The following SH3KBP1 variants were observed in gnomAD, a reference collection of about 807,000 sequenced individuals.
The protein encoded by SH3KBP1 is SH3 domain containing kinase binding protein 1, also known as SH3 domain-containing kinase-binding protein 1.
In SH3KBP1, 8 loss-of-function variants were observed where a neutral mutation model predicts 50.1. The observed-to-expected ratio is 0.16, with a 90% CI of 0.09 to 0.29. The LOEUF (loss-of-function observed/expected upper bound fraction) is 0.29, where lower values mean the gene tolerates loss of function less well. SH3KBP1 is among the 10% of genes least tolerant of loss of function. The pLI, the probability that SH3KBP1 is intolerant of heterozygous loss-of-function variation, is 1.00. For synonymous variants in SH3KBP1, 227 were observed against 218.6 expected, an observed-to-expected ratio of 1.04 and a Z score of -0.34; for missense variants, 377 against 535.2, an observed-to-expected ratio of 0.70 and a Z score of 2.92.
At chrX:19,792,568 G>A (rs897746157) in intron 2 of SH3KBP1, among the ~76,000 whole-genome samples, 1 of 110,938 alleles carries the variant, frequency 9.0e-6, no homozygotes, top group Non-Finnish European at 1.9e-5. Context: ...CCCCTTTGCA[G>A]GTCTTTCAAC....
chrX:19,866,858 G>A (rs1485273477), intron 1 of SH3KBP1, among the ~76,000 whole-genome samples: 1 of 109,931 alleles, frequency 9.1e-6, no homozygotes, highest in Non-Finnish European at 1.9e-5. Context: ...TATATTTTAG[G>A]CCTCTTGAGA....
intron 6 of SH3KBP1, among the ~76,000 whole-genome samples, chrX:19,645,728 T>C (rs1382317240): frequency 8.9e-6 from 1 of 111,952 alleles, no homozygotes; most frequent in East Asian, 2.8e-4. Flanking sequence ...CTTTCTTCCT[T>C]TATACTCTTA....
At chrX:19,856,693 C>T (rs925071454) in intron 1 of SH3KBP1, among the ~76,000 whole-genome samples, 9 of 110,934 alleles carry the variant, frequency 8.1e-5, no homozygotes. Flanking sequence ...TCGAAAGGAA[C>T]CTCATGGCCC....
intron 2 of SH3KBP1, among the ~76,000 whole-genome samples, chrX:19,802,651 T>C (rs111663953): frequency 0.14 from 15,386 of 110,698 alleles, 898 homozygotes; most frequent in African/African-American, 0.19. Context: ...ACTCACACTA[T>C]ACCCTCATTC....
intron 6 of SH3KBP1, among the ~76,000 whole-genome samples, chrX:19,665,031 G>A (rs1368365215): frequency 9.0e-6 from 1 of 111,636 alleles, no homozygotes. Flanking sequence ...TCTTGTTATC[G>A]ACTTTGTGAA....
At chrX:19,865,362 C>T (rs1190517638) in intron 1 of SH3KBP1, among the ~76,000 whole-genome samples, 3 of 111,801 alleles carry the variant, frequency 2.7e-5, no homozygotes, top group Non-Finnish European at 5.6e-5. Flanking sequence ...TTCTTTGCAA[C>T]GTATTTTTCT....
intron 6 of SH3KBP1, among the ~76,000 whole-genome samples, chrX:19,660,949 A>C (rs1189070990): frequency 8.9e-6 from 1 of 112,661 alleles, no homozygotes; most frequent in Non-Finnish European, 1.9e-5. Context: ...TTCTAAAGCC[A>C]CTAGTGGAAA....
chrX:19,787,804 A>G (rs1326571929), intron 2 of SH3KBP1, among the ~76,000 whole-genome samples: 91 of 111,738 alleles, frequency 8.1e-4, no homozygotes, highest in Non-Finnish European at 1.1e-4. Flanking sequence ...GAGGGTGGCC[A>G]GGGAAGGCCT....
At chrX:19,716,753 C>A (rs1366807676) in intron 3 of SH3KBP1, among the ~76,000 whole-genome samples, 7 of 111,391 alleles carry the variant, frequency 6.3e-5, no homozygotes, top group Non-Finnish European at 1.1e-4. Flanking sequence ...GGAGGTTCAG[C>A]ATGCTGGCCC....
In SH3KBP1 at chrX:19,746,306, C is replaced by T. The variant is rs201610227; in HGVS notation, c.286+12G>A. Reference sequence around the variant, plus strand: ...GTGTGCAGGGAGGGAACCTCTTTTTCCTTTTCCATACCTCTCTTATTGGTT... The same window carrying T: ...GTGTGCAGGGAGGGAACCTCTTTTTTCTTTTCCATACCTCTCTTATTGGTT... On this transcript the variant is annotated intron_variant, in intron 3 of 17. Transcript: ENST00000397821. 6.6e-6 allele frequency: 8 copies of T among 1,207,598 alleles called. No individual in the cohort carries two copies. The African/African-American group carries it at 1.2e-4, about 18-fold the overall frequency.
chrX:19,788,962 G>A (rs58378107), intron 2 of SH3KBP1, among the ~76,000 whole-genome samples: 28,160 of 110,472 alleles, frequency 0.25, 4,450 homozygotes, highest in African/African-American at 0.59. Context: ...GGTCTCTACT[G>A]AAAGTACAAA....
At chrX:19,827,097 T>C (rs1329546324) in intron 2 of SH3KBP1, among the ~76,000 whole-genome samples, 1 of 111,668 alleles carries the variant, frequency 9.0e-6, no homozygotes, top group African/African-American at 3.3e-5. Flanking sequence ...AATATCAAAA[T>C]GGGCTCTAAA....
At chrX:19,844,911 C>G (rs1223867776) in intron 1 of SH3KBP1, among the ~76,000 whole-genome samples, 2 of 110,568 alleles carry the variant, frequency 1.8e-5, no homozygotes, top group African/African-American at 6.6e-5. Flanking sequence ...AACGCCGTCT[C>G]TACTAAAAAT....
intron 12 of SH3KBP1, among the ~76,000 whole-genome samples, chrX:19,569,399 C>T (rs1027386872): frequency 2.7e-5 from 3 of 111,950 alleles, no homozygotes; most frequent in African/African-American, 9.7e-5. Flanking sequence ...CTCCAGCACA[C>T]GTTTTCAAAA....
Position 19,746,389 on chromosome X carries a change from T to A in SH3KBP1, c.215A>T (p.Lys72Met). 8.3e-7 allele frequency: 1 copy of A among 1,205,862 alleles called. No individual in the cohort carries two copies. The highest frequency in any genetic ancestry group is 1.1e-6 in the Non-Finnish European group (1 of 892,697). ...TCCACTGGGCACTTCGTGCAGGGGC[T>A]TTTCTGGAGCTTTGTTGGTGAGAGG... Reference protein sequence around the residue: ...KDPLTNKAPEKPLHEVPSGNS... With the variant: ...KDPLTNKAPEMPLHEVPSGNS... Residue 72 changes from lysine to methionine, a missense_variant, in exon 3 of 18, where the codon AAG becomes ATG. Physicochemically the swap from Lys to Met is moderately conservative, Grantham distance 95. Transcript: ENST00000397821.
chrX:19,855,170 GA>G (rs756723390), intron 1 of SH3KBP1, among the ~76,000 whole-genome samples: 189 of 110,982 alleles, frequency 1.7e-3, no homozygotes, highest in African/African-American at 5.9e-3. Flanking sequence ...TTTTAGTAGA[GA>G]GGGGGTTTCA....
In SH3KBP1 at chrX:19,563,740, C is replaced by G. The variant is rs191593259; in HGVS notation, c.1384+5363G>C. Among the ~76,000 whole-genome samples, 338 of 112,085 alleles carry G rather than the reference C, an allele frequency of 3.0e-3. 2 individuals are homozygous for G. The highest frequency in any genetic ancestry group is 7.2e-3 in the Admixed American group (76 of 10,604). On this transcript the variant is annotated intron_variant, in intron 13 of 17. Coordinates refer to ENST00000397821, the MANE Select transcript of SH3KBP1 (RefSeq NM_031892.3). ...GTCATATGCAGACTTGACTGTAGAC[C>G]AGTAGCAACCGTATCTCCTGTTCTT...
At chrX:19,859,287 T>C (rs987210515) in intron 1 of SH3KBP1, among the ~76,000 whole-genome samples, 1 of 110,767 alleles carries the variant, frequency 9.0e-6, no homozygotes, top group Admixed American at 9.5e-5. Flanking sequence ...TAGCTGGGAT[T>C]ACAGGCACCT....
At chrX:19,750,257 G>A (rs188985898) in intron 2 of SH3KBP1, among the ~76,000 whole-genome samples, 73 of 111,478 alleles carry the variant, frequency 6.5e-4, no homozygotes, top group East Asian at 2.5e-3. Flanking sequence ...GCAGAGTTTC[G>A]CCATGTTGGC....
Sources: gnomAD v4.1 joint callset for allele counts (sites outside exome capture counted in the v4.1 genomes callset) on GRCh38, gnomAD v4.1.1 for gene constraint, MANE v1.5 for transcripts, NCBI Gene and HGNC (gene_info 2026-07-23, HGNC 2026-07-21) for gene names.